Variants in MMP2 observed in about 807,000 individuals in gnomAD.
MMP2 encodes the protein matrix metallopeptidase 2.
Under a neutral mutation model 74.8 loss-of-function variants are expected in MMP2, and 39 were observed. That is an observed-to-expected ratio of 0.52 (90% confidence interval 0.40 to 0.68). MMP2 has a LOEUF of 0.68. Ranked by LOEUF, MMP2 falls within the 30% of genes least tolerant of loss-of-function variation. The probability of loss-of-function intolerance (pLI) is 0.00; values close to 1 mark genes in which losing one functional copy is unlikely to be tolerated. For synonymous variants in MMP2, 367 were observed against 339.8 expected, an observed-to-expected ratio of 1.08 and a Z score of -0.88; for missense variants, 803 against 878.3, an observed-to-expected ratio of 0.91 and a Z score of 1.08.
intron 11 of MMP2, among the ~76,000 whole-genome samples, chr16:55,501,860 C>G (rs1962675490): frequency 6.6e-6 from 1 of 152,006 alleles, no homozygotes; most frequent in African/African-American, 2.4e-5. Flanking sequence ...TTGGGCAAGA[C>G]TTGTTTACTA....
chr16:55,491,143 C>A (rs911248839), intron 7 of MMP2, among the ~76,000 whole-genome samples: 3 of 151,626 alleles, frequency 2.0e-5, no homozygotes, highest in Admixed American at 1.3e-4. Flanking sequence ...CGGCTCACTG[C>A]AACCTCTGCC....
At position 55,479,568 on chromosome 16, in the gene MMP2, C is replaced by G. The variant is rs1204243562; in HGVS notation, c.89C>G (p.Ala30Gly). ...LGCLLSHAAA[A>G]PSPIIKFPGD... ...TGCCTGCTGAGCCACGCCGCCGCCG[C>G]GCCGTCGCCCATCATCAAGTTCCCC... The change falls in exon 1 of 13, where the codon GCG (alanine) becomes GGG (glycine). Residue 30 changes from alanine (A) to glycine (G), a missense_variant. Around this residue, in one of 3 missense-constraint regions of MMP2, gnomAD observed 223 missense variants for 232.8 expected, o/e 0.96. Transcript: ENST00000219070. The G allele has an allele frequency of 6.2e-7, 1 of 1,613,352 alleles. No individual in the cohort carries two copies.
intron 11 of MMP2, among the ~76,000 whole-genome samples, chr16:55,500,134 AT>A: frequency 6.6e-6 from 1 of 152,110 alleles, no homozygotes; most frequent in East Asian, 1.9e-4. Context: ...AAGCTGATTG[AT>A]ATCTCAAGCC....
intron 12 of MMP2, 46 bp from the exon 13 acceptor site, chr16:55,505,293 G>A (rs1320559810): frequency 1.3e-6 from 2 of 1,510,646 alleles, no homozygotes; most frequent in African/African-American, 1.4e-5. Flanking sequence ...CTGTGTGCCA[G>A]AATGTCAGGA....
intron 7 of MMP2, 147 bp downstream of exon 7, chr16:55,489,971 G>A: frequency 1.1e-6 from 1 of 888,240 alleles, no homozygotes; most frequent in Non-Finnish European, 1.7e-6. Flanking sequence ...CACCTGGGCT[G>A]AGACAATGCC....
At position 55,485,636 on chromosome 16, in the gene MMP2, G is replaced by A. The variant is rs1168427805; in HGVS notation, c.691G>A (p.Glu231Lys). Residue 231 changes from glutamate to lysine, a missense_variant, in exon 5 of 13, where the codon GAG becomes AAG. By Grantham distance (56) the Glu-to-Lys change is moderately conservative (BLOSUM62 1). This residue lies in a region of MMP2 where 555 missense variants were observed against 592.0 expected (regional missense o/e 0.94). Coordinates refer to ENST00000219070, the MANE Select transcript of MMP2 (RefSeq NM_004530.6). ...VRVKYGNADG[E>K]YCKFPFLFNG... ...TGTGAAGTATGGGAACGCCGATGGG[G>A]AGTACTGCAAGTTCCCCTTCTTGTT... 3.7e-6 allele frequency: 6 copies of A among 1,614,138 alleles called. No homozygotes were observed. The highest frequency in any genetic ancestry group is 2.2e-5 in the East Asian group (1 of 44,864).
intron 8 of MMP2, 70 bp from the exon 9 acceptor site, chr16:55,493,088 C>T: frequency 6.3e-7 from 1 of 1,596,582 alleles, no homozygotes; most frequent in Non-Finnish European, 8.6e-7. Flanking sequence ...GGTGGGCACC[C>T]CTGGGGGCTC....
chr16:55,479,978 C>CGGGG (rs752333662), intron 1 of MMP2: 7 of 126,108 alleles, frequency 5.6e-5, no homozygotes, highest in South Asian at 1.9e-4. Flanking sequence ...GGACATTTGG[C>CGGGG]GGGGGGGGGG....
rs146725576 is a variant in MMP2 at position 55,502,885 on chromosome 16, G to A, written c.1876G>A (p.Gly626Ser). 98 of 1,612,848 alleles carry A rather than the reference G, an allele frequency of 6.1e-5. No individual in the cohort carries two copies. Among genetic ancestry groups the A allele is most frequent in the Middle Eastern group, 1.7e-4 (1 of 5,734 alleles). The change falls in exon 12 of 13, where the codon GGC becomes AGC. Residue 626 changes from glycine (G) to serine (S), a missense_variant. Coordinates refer to ENST00000219070, the MANE Select transcript of MMP2 (RefSeq NM_004530.6). ...NLDAVVDLQG[G>S]GHSYFFKGAY... is the part of the protein sequence containing the mutation. ...GGATGCCGTCGTGGACCTGCAGGGCGGCGGTGAGCCACCCAGGACTGTCTC... is the reference window on the plus strand; with the variant it reads ...GGATGCCGTCGTGGACCTGCAGGGCAGCGGTGAGCCACCCAGGACTGTCTC...
intron 3 of MMP2, among the ~76,000 whole-genome samples, chr16:55,485,022 C>T (rs539646727): frequency 8.6e-5 from 13 of 151,898 alleles, no homozygotes; most frequent in Non-Finnish European, 1.8e-4. Flanking sequence ...GTATGTGGTA[C>T]ATATAGTGTC....
At chr16:55,495,460 A>G (rs1567379713) in intron 9 of MMP2, among the ~76,000 whole-genome samples, 1 of 152,214 alleles carries the variant, frequency 6.6e-6, no homozygotes, top group African/African-American at 2.4e-5. Context: ...GCTGCTAGGC[A>G]CTGGTGAGGG....
At position 55,498,461 on chromosome 16, in the gene MMP2, G is replaced by A. The variant is rs1450958839; in HGVS notation, c.1769+13G>A. 7 of 1,613,994 alleles carry A rather than the reference G, an allele frequency of 4.3e-6. No individual in the cohort carries two copies. The highest frequency in any genetic ancestry group is 1.3e-5 in the African/African-American group (1 of 74,940). On this transcript the variant is annotated intron_variant, in intron 11 of 12. Coordinates refer to ENST00000219070, the MANE Select transcript of MMP2 (RefSeq NM_004530.6). ...ACAAATTCTGGAGGTAAGGGAGGGC[G>A]GTGGGTAGGACAGCAGCACAGTTGG...
chr16:55,498,988 G>A (rs1233790877), intron 11 of MMP2, among the ~76,000 whole-genome samples: 2 of 152,090 alleles, frequency 1.3e-5, no homozygotes, highest in East Asian at 1.9e-4. Context: ...GCCACATGGT[G>A]AAACCCCATC....
At chr16:55,504,474 C>G (rs1027393575) in intron 12 of MMP2, among the ~76,000 whole-genome samples, 2 of 152,018 alleles carry the variant, frequency 1.3e-5, no homozygotes, top group Admixed American at 1.3e-4. Flanking sequence ...ACTGCAAGCC[C>G]TAGAAGGTTG....
intron 7 of MMP2, among the ~76,000 whole-genome samples, chr16:55,490,824 G>C (rs1177062781): frequency 6.6e-6 from 1 of 152,140 alleles, no homozygotes; most frequent in Admixed American, 6.5e-5. Context: ...CTTCCTGAGT[G>C]GTTCAAGTAT....
chr16:55,498,376 A>G lies in MMP2; in HGVS notation c.1697A>G (p.Gln566Arg), dbSNP rs1362481263. ...LTSLGLPPDVQRVDAAFNWSK... is the reference protein window; with the variant it reads ...LTSLGLPPDVRRVDAAFNWSK... ...AGCCTGGGACTGCCCCCTGATGTCC[A>G]GCGAGTGGATGCCGCCTTTAACTGG... is the stretch of plus-strand genomic sequence containing the variant. The change falls in exon 11 of 13, where the codon CAG (glutamine) becomes CGG (arginine). Residue 566 changes from glutamine to arginine, a missense_variant. By Grantham distance (43) the Gln-to-Arg change is conservative. This residue lies in a region of MMP2 where 555 missense variants were observed against 592.0 expected (regional missense o/e 0.94). Transcript: ENST00000219070. 2.5e-6 allele frequency: 4 copies of G among 1,614,268 alleles called. No individual in the cohort carries two copies. The South Asian group carries it at 4.4e-5, about 18-fold the overall frequency.
intron 10 of MMP2, 56 bp from the exon 11 acceptor site, chr16:55,498,233 C>G: frequency 6.2e-7 from 1 of 1,604,946 alleles, no homozygotes; most frequent in Non-Finnish European, 8.5e-7. Context: ...ATGGGAGGAA[C>G]AGGCTGGCCT....
intron 9 of MMP2, among the ~76,000 whole-genome samples, chr16:55,494,134 C>A (rs796434725): frequency 1.3e-5 from 2 of 152,212 alleles, no homozygotes; most frequent in South Asian, 4.1e-4. Flanking sequence ...ATCCAGCCAT[C>A]CATTATTCAT....
Position 55,502,802 on chromosome 16 carries a change from T to G in MMP2, c.1793T>G (p.Met598Arg). 2 of 1,613,968 alleles carry G rather than the reference T, an allele frequency of 1.2e-6. No homozygotes were observed. The highest frequency in any genetic ancestry group is 1.7e-6 in the Non-Finnish European group (2 of 1,179,964). The change falls in exon 12 of 13, where the codon ATG becomes AGG. Residue 598 changes from methionine to arginine, a missense_variant. By Grantham distance (91) the Met-to-Arg change is moderately conservative. Around this residue, in one of 3 missense-constraint regions of MMP2, gnomAD observed 555 missense variants for 592.0 expected, o/e 0.94. Transcript: ENST00000219070. ...FWRYNEVKKK[M>R]DPGFPKLIAD... is the part of the protein sequence containing the mutation. Reference sequence around the variant, plus strand: ...AGATACAATGAGGTGAAGAAGAAAATGGATCCTGGCTTCCCCAAGCTCATC... The same window carrying G: ...AGATACAATGAGGTGAAGAAGAAAAGGGATCCTGGCTTCCCCAAGCTCATC...
Sources: allele counts gnomAD v4.1 joint callset (sites outside exome capture counted in the v4.1 genomes callset), GRCh38; gene constraint gnomAD v4.1.1; regional missense constraint gnomAD v4.1.1; transcripts MANE v1.5; gene names NCBI Gene and HGNC (gene_info 2026-07-23, HGNC 2026-07-21).